Variants in PCDHA11 observed in about 807,000 individuals in gnomAD.
The protein encoded by PCDHA11 is protocadherin alpha 11.
In PCDHA11, 61 loss-of-function variants were observed where a neutral mutation model predicts 70.3. The ratio of observed to expected loss-of-function variants is 0.87; its 90% CI spans 0.71 to 1.07. The LOEUF (loss-of-function observed/expected upper bound fraction) is 1.07, where lower values mean the gene tolerates loss of function less well. PCDHA11 is among the 50% of genes least tolerant of loss of function. PCDHA11 has a pLI of 0.00. For missense variants in PCDHA11, 1,324 were observed against 1,237.5 expected (o/e 1.07, Z -1.05); for synonymous variants, 633 against 555.1 (o/e 1.14, Z -1.97).
Position 140,870,849 on chromosome 5 carries a change from G to A in PCDHA11, c.1746G>A (p.Arg582=), listed in dbSNP as rs2052464243. The part of the protein sequence containing the change: ...AGGAVNKLVP[R]SVGAGHVVAK... Reference sequence around the variant, plus strand: ...GCGCAGTTAACAAGCTAGTACCGCGGTCGGTGGGTGCGGGCCACGTGGTGG... The same window carrying A: ...GCGCAGTTAACAAGCTAGTACCGCGATCGGTGGGTGCGGGCCACGTGGTGG... The change falls in exon 1 of 4, where the codon CGG becomes CGA. Residue 582 remains arginine, a synonymous_variant. Transcript: ENST00000398640. 2 of 1,613,878 alleles carry A rather than the reference G, an allele frequency of 1.2e-6. No homozygotes were observed. Among genetic ancestry groups the A allele is most frequent in the Non-Finnish European group, 1.7e-6 (2 of 1,179,898 alleles).
In PCDHA11 at chr5:140,967,342, C is replaced by G. The variant is rs149890293; in HGVS notation, c.2392-11607C>G. On this transcript the variant is annotated intron_variant, in intron 1 of 3. Coordinates refer to ENST00000398640, the MANE Select transcript of PCDHA11 (RefSeq NM_018902.5). ...CCTACGAGCTCAGCCCCAGCGAGCACTTCGAGCTGGACCTTAAGCCCCTGC... is the reference window on the plus strand; with the variant it reads ...CCTACGAGCTCAGCCCCAGCGAGCAGTTCGAGCTGGACCTTAAGCCCCTGC... The G allele has an allele frequency of 1.9e-6, 3 of 1,607,992 alleles. No individual in the cohort carries two copies. In the African/African-American group the frequency reaches 4.0e-5, roughly 22 times the overall value.
chr5:140,968,962 C>T (rs1554231271), intron 1 of PCDHA11: 29 of 1,614,056 alleles, frequency 1.8e-5, no homozygotes, highest in Non-Finnish European at 2.2e-5. Context: ...TCAAGTGCTA[C>T]CGCTACACTG....
intron 1 of PCDHA11, among the ~76,000 whole-genome samples, chr5:140,974,980 G>A (rs149148015): frequency 2.4e-4 from 36 of 152,208 alleles, no homozygotes; most frequent in Non-Finnish European, 5.0e-4. Context: ...TGAGTTGTCC[G>A]CTCAGGTATT....
intron 1 of PCDHA11, chr5:140,877,909 C>A: frequency 6.3e-6 from 9 of 1,432,578 alleles, no homozygotes; most frequent in Non-Finnish European, 7.3e-6. Flanking sequence ...TAACTACATT[C>A]TCTCATTTTT....
Position 140,869,698 on chromosome 5 carries a change from T to C in PCDHA11, c.595T>C (p.Ser199Pro), listed in dbSNP as rs782072995. ...IKRLSLILKKSLDREKTPELN... is the reference protein window; with the variant it reads ...IKRLSLILKKPLDREKTPELN... ...AAGACTGTCACTTATTTTAAAGAAG[T>C]CTCTGGATAGAGAGAAAACTCCGGA... The change falls in exon 1 of 4, where the codon TCT (serine) becomes CCT (proline). Residue 199 changes from serine (S) to proline (P), a missense_variant. Transcript: ENST00000398640. 2.5e-6 allele frequency: 4 copies of C among 1,613,236 alleles called. No homozygotes were observed. The highest frequency in any genetic ancestry group is 1.6e-4 in the Middle Eastern group (1 of 6,084).
At chr5:140,887,544 CATGG>C (rs2061491541) in intron 1 of PCDHA11, among the ~76,000 whole-genome samples, 2 of 152,098 alleles carry the variant, frequency 1.3e-5, no homozygotes, top group Non-Finnish European at 2.9e-5. Context: ...CCCCACCCCT[CATGG>C]TTACTGTTAA....
chr5:140,903,823 G>A (rs1303323584), intron 1 of PCDHA11, among the ~76,000 whole-genome samples: 1 of 152,048 alleles, frequency 6.6e-6, no homozygotes, highest in Non-Finnish European at 1.5e-5. Flanking sequence ...TCACATGAAT[G>A]TCTGTTGGTA....
At chr5:140,917,587 C>T (rs2078270380) in intron 1 of PCDHA11, among the ~76,000 whole-genome samples, 1 of 152,164 alleles carries the variant, frequency 6.6e-6, no homozygotes, top group Non-Finnish European at 1.5e-5. Context: ...TTTGTTCATG[C>T]TGAAAGGAAG....
intron 3 of PCDHA11, among the ~76,000 whole-genome samples, chr5:141,003,288 T>C (rs2098118136): frequency 2.0e-5 from 3 of 152,182 alleles, no homozygotes; most frequent in African/African-American, 7.2e-5. Context: ...AATTGGATTA[T>C]AGGATTACAT....
chr5:140,914,427 T>C (rs2076707638), intron 1 of PCDHA11, among the ~76,000 whole-genome samples: 1 of 152,196 alleles, frequency 6.6e-6, no homozygotes, highest in African/African-American at 2.4e-5. Context: ...TAGCAAGGAA[T>C]ATCTTTTCCC....
At chr5:140,924,646 G>A (rs2081930568) in intron 1 of PCDHA11, among the ~76,000 whole-genome samples, 1 of 152,122 alleles carries the variant, frequency 6.6e-6, no homozygotes, top group Non-Finnish European at 1.5e-5. Context: ...TGTAATCCCA[G>A]CACTTTGGGA....
rs370111655 is a variant in PCDHA11, at chr5:140,902,185, TTCTC to T, written c.2391+30703_2391+30706del. Reference sequence around the variant, plus strand: ...TTCTAATTTGGATGTCCTTTATGTCTTCTCTCTCTCTCTCTTTCTTTTTTTTTTT... The same window carrying T: ...TTCTAATTTGGATGTCCTTTATGTCTTCTCTCTCTCTTTCTTTTTTTTTTT... On this transcript the variant is annotated intron_variant, in intron 1 of 3. Coordinates refer to ENST00000398640, the MANE Select transcript of PCDHA11 (RefSeq NM_018902.5). Among the ~76,000 whole-genome samples, 704 of 150,894 alleles carry T rather than the reference TTCTC, an allele frequency of 4.7e-3. 6 individuals carry two copies. Among genetic ancestry groups the T allele is most frequent in the African/African-American group, 0.015 (608 of 41,076 alleles).
chr5:140,903,172 C>T (rs2070066511), intron 1 of PCDHA11, among the ~76,000 whole-genome samples: 1 of 152,152 alleles, frequency 6.6e-6, no homozygotes, highest in Non-Finnish European at 1.5e-5. Flanking sequence ...GGTTTACATT[C>T]CCACCAATAG....
chr5:140,925,108 G>GGGAA (rs1299910272), intron 1 of PCDHA11, among the ~76,000 whole-genome samples: 1 of 124,780 alleles, frequency 8.0e-6, no homozygotes, highest in East Asian at 2.1e-4. Flanking sequence ...GAAGGAAGGA[G>GGGAA]GGAAGGAAGG....
chr5:140,994,717 A>T (rs1350882833), intron 3 of PCDHA11, among the ~76,000 whole-genome samples: 4 of 152,164 alleles, frequency 2.6e-5, no homozygotes, highest in Admixed American at 6.6e-5. Context: ...AAAAAAATTT[A>T]AAATACTGGG....
In PCDHA11 at chr5:141,012,312, C is replaced by CTGT; in HGVS notation, c.*2377_*2379dup. On this transcript the variant is annotated 3_prime_UTR_variant, in exon 4 of 4. Transcript: ENST00000398640. ...TGAATTGGTGCTATTGGTATTTCCT[C>CTGT]TGTTATTGCTAATAAATGAAAATGG... The CTGT allele has an allele frequency of 6.5e-6, 1 of 153,698 alleles. No individual in the cohort carries two copies. Among genetic ancestry groups the CTGT allele is most frequent in the Middle Eastern group, 3.2e-3 (1 of 316 alleles). 9.5% of individuals were successfully genotyped at this position (153,698 alleles called of 1,614,324 possible).
chr5:140,875,932 C>T, intron 1 of PCDHA11: 3 of 1,614,154 alleles, frequency 1.9e-6, no homozygotes, highest in South Asian at 1.1e-5. Flanking sequence ...TCATTTTCCT[C>T]TAGAGGGCGC....
rs150226999 is a variant in PCDHA11, at chr5:140,970,370, C to T, written c.2392-8579C>T. 2.1e-3 allele frequency among the ~76,000 whole-genome samples: 315 copies of T among 152,234 alleles called. 1 individual carries two copies. The highest frequency in any genetic ancestry group is 7.2e-3 in the African/African-American group (299 of 41,540). On this transcript the variant is annotated intron_variant, in intron 1 of 3. Coordinates refer to ENST00000398640, the MANE Select transcript of PCDHA11 (RefSeq NM_018902.5). ...GGATCTAAAATTTGATTTGCTATAG[C>T]TTCAAAAGGCTGGCTTGGAAAGTGG...
At chr5:140,878,002 C>T in intron 1 of PCDHA11, 1 of 1,005,678 alleles carries the variant, frequency 9.9e-7, no homozygotes. Flanking sequence ...ATGTATTTGT[C>T]TAACATTAAT....
Sources: gnomAD v4.1 joint callset for allele counts (sites outside exome capture counted in the v4.1 genomes callset) on GRCh38, gnomAD v4.1.1 for gene constraint, MANE v1.5 for transcripts, NCBI Gene and HGNC (gene_info 2026-07-23, HGNC 2026-07-21) for gene names.